Variants in ZSCAN5A observed in about 807,000 individuals in gnomAD.
ZSCAN5A encodes the protein zinc finger and SCAN domain containing 5A.
Under a neutral mutation model 23.7 loss-of-function variants are expected in ZSCAN5A, and 12 were observed. The ratio of observed to expected loss-of-function variants is 0.51; its 90% CI spans 0.32 to 0.82. The LOEUF (loss-of-function observed/expected upper bound fraction) is 0.82. Among genes scored for constraint, ZSCAN5A ranks in the 40% least tolerant of loss-of-function variants. The pLI, the probability that ZSCAN5A is intolerant of heterozygous loss-of-function variation, is 0.03. For missense variants in ZSCAN5A, 597 were observed against 617.9 expected, an observed-to-expected ratio of 0.97 and a Z score of 0.36; for synonymous variants, 257 against 239.9, an observed-to-expected ratio of 1.07 and a Z score of -0.66.
chr19:56,240,410 C>A (rs1244574515), intron 2 of ZSCAN5A, among the ~76,000 whole-genome samples: 3 of 152,068 alleles, frequency 2.0e-5, no homozygotes, highest in Non-Finnish European at 4.4e-5. Flanking sequence ...AATCATGGGG[C>A]AGTGCAGGAA....
upstream of ZSCAN5A, chr19:56,316,815 T>C (rs1369038107): frequency 6.6e-6 from 1 of 152,340 alleles, no homozygotes; most frequent in Non-Finnish European, 1.5e-5. Flanking sequence ...GTTTATTGTT[T>C]GGTCTGTTTA....
rs68085541 is a variant in ZSCAN5A, at chr19:56,331,578, C to CTTTTTTTTTT, written c.-357-15320_-357-15311dup. Among the ~76,000 whole-genome samples, 27 of 48,964 alleles carry CTTTTTTTTTT rather than the reference C, an allele frequency of 5.5e-4. 7 individuals carry two copies. Among genetic ancestry groups the CTTTTTTTTTT allele is most frequent in the African/African-American group, 1.8e-3 (22 of 11,934 alleles). The allele number at this position is 48,964 out of a possible 152,430, so 32.1% of individuals were successfully genotyped here. A position where few individuals can be genotyped will look rare whatever the true frequency, so the allele number is the denominator to read the frequency against. ...CAGCTATTGTAAATGGAATTGCATT[C>CTTTTTTTTTT]TTTTTTTTTTTTTTTTTTTTTTTTT... is the stretch of plus-strand genomic sequence containing the variant. On this transcript the variant is annotated intron_variant, in intron 2 of 6. Coordinates refer to the ZSCAN5A transcript ENST00000587340.
rs1315538516 is a variant in ZSCAN5A at position 56,351,891 on chromosome 19, T to C, written c.-358+11344A>G. On this transcript the variant is annotated intron_variant, in intron 2 of 6. Coordinates refer to the ZSCAN5A transcript ENST00000587340. This position sits in a 1 kb window ranked among gnomAD's most constrained non-coding sequence, Gnocchi z 4.8. ...GATCTATCTGGATTGAAGGGATTCC[T>C]TTTCCCAGCAATAATTTTACAGACC... 6.6e-6 allele frequency among the ~76,000 whole-genome samples: 1 copy of C among 152,172 alleles called. No individual in the cohort carries two copies. The highest frequency in any genetic ancestry group is 1.5e-5 in the Non-Finnish European group (1 of 68,036).
intron 1 of ZSCAN5A, among the ~76,000 whole-genome samples, chr19:56,364,769 T>A (rs1219261659): frequency 1.3e-5 from 2 of 152,236 alleles, no homozygotes; most frequent in African/African-American, 4.8e-5. Context: ...CCTACACATA[T>A]GAATTGCTAA....
intron 2 of ZSCAN5A, among the ~76,000 whole-genome samples, chr19:56,274,267 A>T (rs2038078808): frequency 6.6e-6 from 1 of 152,180 alleles, no homozygotes; most frequent in Non-Finnish European, 1.5e-5. Context: ...CAGCCTGGCC[A>T]ACATGGCGAA....
intron 2 of ZSCAN5A, chr19:56,247,025 C>A: frequency 1.1e-5 from 11 of 975,662 alleles, no homozygotes; most frequent in Non-Finnish European, 1.6e-5. Flanking sequence ...GTCAGTCACC[C>A]CAATGGCCAA....
In ZSCAN5A at chr19:56,351,471, G is replaced by A. The variant is rs1230243578; in HGVS notation, c.-358+11764C>T. Among the ~76,000 whole-genome samples, 1 of 152,100 alleles carries A rather than the reference G, an allele frequency of 6.6e-6. No homozygotes were observed. Among genetic ancestry groups the A allele is most frequent in the African/African-American group, 2.4e-5 (1 of 41,412 alleles). On this transcript the variant is annotated intron_variant, in intron 2 of 6. Transcript: ENST00000587340. The surrounding 1 kb of genome is among the most constrained non-coding windows in gnomAD (Gnocchi z 4.8). ...ACACCTGGTCAAGCCAATCCTTTGG[G>A]CCCTATGCAAACCAGATACTGCCTC...
At chr19:56,331,947 C>T (rs1253266490) in intron 2 of ZSCAN5A, among the ~76,000 whole-genome samples, 1 of 152,052 alleles carries the variant, frequency 6.6e-6, no homozygotes. Flanking sequence ...AAAAGTCATT[C>T]AGGAGCAAGT....
intron 2 of ZSCAN5A, among the ~76,000 whole-genome samples, chr19:56,243,712 T>A (rs559734505): frequency 6.6e-4 from 101 of 152,328 alleles, no homozygotes; most frequent in African/African-American, 2.4e-3. Context: ...AATGATTTCC[T>A]GGAGATCAGA....
At chr19:56,355,675 T>C (rs2041696757) in intron 2 of ZSCAN5A, among the ~76,000 whole-genome samples, 1 of 149,288 alleles carries the variant, frequency 6.7e-6, no homozygotes, top group Non-Finnish European at 1.5e-5. Context: ...ACTGTGTTTA[T>C]TGGCAAATAG....
At chr19:56,237,282 C>T (rs1191266806) in intron 2 of ZSCAN5A, among the ~76,000 whole-genome samples, 1 of 152,192 alleles carries the variant, frequency 6.6e-6, no homozygotes, top group Admixed American at 6.5e-5. Context: ...GCTCCACGTA[C>T]AATTTTTCTC....
In ZSCAN5A at chr19:56,301,819, A is replaced by C. The variant is rs1235141716; in HGVS notation, c.-128+11464T>G. 4 of 824,422 alleles carry C rather than the reference A, an allele frequency of 4.9e-6. No individual in the cohort carries two copies. The Admixed American group carries it at 1.3e-4, about 27-fold the overall frequency. The allele number at this position is 824,422 out of a possible 1,614,324, so 51.1% of individuals were successfully genotyped here. Reference sequence around the variant, plus strand: ...GGTAACCAAGAAGGGGGAAGCTGGCAGTGATGGTGGGTGTGGACCAAAATT... The same window carrying C: ...GGTAACCAAGAAGGGGGAAGCTGGCCGTGATGGTGGGTGTGGACCAAAATT... On this transcript the variant is annotated intron_variant, in intron 2 of 5. Transcript: ENST00000683990.
In ZSCAN5A at chr19:56,226,774, T is replaced by C. The variant is rs540780183; in HGVS notation, c.-127-1601A>G. Among the ~76,000 whole-genome samples, 5 of 152,136 alleles carry C rather than the reference T, an allele frequency of 3.3e-5. No homozygotes were observed. In the South Asian group the frequency reaches 6.2e-4, roughly 19 times the overall value. On this transcript the variant is annotated intron_variant, in intron 2 of 5. Transcript: ENST00000683990. Reference sequence around the variant, plus strand: ...CCAAAACAGTGAAACTCTGGAGGGATAGAGGGAGGGAGGGTTGAAAAACTA... The same window carrying C: ...CCAAAACAGTGAAACTCTGGAGGGACAGAGGGAGGGAGGGTTGAAAAACTA...
At chr19:56,230,450 A>T (rs1215012336) in intron 2 of ZSCAN5A, among the ~76,000 whole-genome samples, 1 of 152,166 alleles carries the variant, frequency 6.6e-6, no homozygotes, top group Non-Finnish European at 1.5e-5. Flanking sequence ...TTGTGATGCA[A>T]TCGTCAGAAC....
At chr19:56,333,852 G>GAA (rs1030958401) in intron 2 of ZSCAN5A, among the ~76,000 whole-genome samples, 9 of 148,486 alleles carry the variant, frequency 6.1e-5, no homozygotes, top group African/African-American at 2.0e-4. Flanking sequence ...AAAGGAAAAA[G>GAA]AAAAATATAT....
At chr19:56,321,903 C>G (rs556665874) in intron 2 of ZSCAN5A, 7 of 784,586 alleles carry the variant, frequency 8.9e-6, no homozygotes, top group South Asian at 6.7e-5. Context: ...GCTTCTGTTA[C>G]CATCCGGTAC....
chr19:56,351,395 T>C lies in ZSCAN5A; in HGVS notation c.-358+11840A>G, dbSNP rs1243439502. ...CATCATGGCAACCCACATTTGCATA[T>C]TAAAAGGCTATGGCGGGAGGGCCTG... On this transcript the variant is annotated intron_variant, in intron 2 of 6. Transcript: ENST00000587340. This position sits in a 1 kb window ranked among gnomAD's most constrained non-coding sequence, Gnocchi z 4.8. Among the ~76,000 whole-genome samples the C allele has an allele frequency of 6.6e-6, 1 of 152,062 alleles. No individual in the cohort carries two copies. Among genetic ancestry groups the C allele is most frequent in the Non-Finnish European group, 1.5e-5 (1 of 68,030 alleles).
chr19:56,310,350 G>A (rs1012676950), intron 2 of ZSCAN5A: 3 of 152,242 alleles, frequency 2.0e-5, no homozygotes, highest in Admixed American at 6.5e-5. Flanking sequence ...CACCCAGGGC[G>A]GCTGAGAGAG....
intron 2 of ZSCAN5A, chr19:56,243,989 A>T: frequency 1.5e-6 from 1 of 672,262 alleles, no homozygotes; most frequent in Non-Finnish European, 2.6e-6. Context: ...TCAATTAGAC[A>T]CCAGCTACTG....
Sources: gnomAD v4.1 joint callset for allele counts (sites outside exome capture counted in the v4.1 genomes callset) on GRCh38, gnomAD v4.1.1 for gene constraint, Gnocchi (gnomAD v3.1) non-coding constraint, MANE v1.5 for transcripts, NCBI Gene and HGNC (gene_info 2026-07-23, HGNC 2026-07-21) for gene names.